Variants in ATP6V1C1 observed in about 807,000 individuals in gnomAD.
ATP6V1C1 encodes ATPase H+ transporting V1 subunit C1.
In ATP6V1C1, 45 loss-of-function variants were observed where a neutral mutation model predicts 53.9. The observed-to-expected ratio is 0.83, with a 90% CI of 0.66 to 1.07. ATP6V1C1 has a LOEUF of 1.07. ATP6V1C1 is among the 50% of genes least tolerant of loss of function. The pLI is 0.00. For synonymous variants in ATP6V1C1, 153 were observed against 155.2 expected (o/e 0.99, Z 0.11); for missense variants, 315 against 440.3 (o/e 0.72, Z 2.55).
At chr8:103,060,260 T>C (rs1302297587) in intron 8 of ATP6V1C1, among the ~76,000 whole-genome samples, 1 of 152,174 alleles carries the variant, frequency 6.6e-6, no homozygotes, top group Non-Finnish European at 1.5e-5. Flanking sequence ...TGAGCTACCA[T>C]GCTGAGCCCC....
intron 2 of ATP6V1C1, among the ~76,000 whole-genome samples, chr8:103,041,235 G>C (rs914574900): frequency 1.3e-5 from 2 of 152,128 alleles, no homozygotes; most frequent in Admixed American, 6.5e-5. Context: ...TCACAAATAT[G>C]ATTTTCAGAA....
chr8:103,061,408 G>T (rs1446732215), intron 8 of ATP6V1C1, among the ~76,000 whole-genome samples: 5 of 152,158 alleles, frequency 3.3e-5, no homozygotes, highest in Non-Finnish European at 7.4e-5. Flanking sequence ...TAAACAGGTG[G>T]TTCTTAGGCT....
chr8:103,058,682 T>C (rs188110179), intron 8 of ATP6V1C1, among the ~76,000 whole-genome samples: 105 of 152,360 alleles, frequency 6.9e-4, no homozygotes, highest in African/African-American at 2.5e-3. Flanking sequence ...TTGAGGTAGA[T>C]TGAAAAATAT....
intron 1 of ATP6V1C1, among the ~76,000 whole-genome samples, chr8:103,023,888 G>A (rs1041644163): frequency 7.4e-5 from 11 of 149,516 alleles, no homozygotes; most frequent in African/African-American, 2.7e-4. Context: ...AGTAGTCTTT[G>A]ATTCAGCATT....
intron 1 of ATP6V1C1, among the ~76,000 whole-genome samples, chr8:103,035,269 A>AT (rs35108896): frequency 0.26 from 39,444 of 151,794 alleles, 5,914 homozygotes; most frequent in Admixed American, 0.39. Context: ...AAAAAACATG[A>AT]TTTTTTTTGC....
intron 11 of ATP6V1C1, among the ~76,000 whole-genome samples, chr8:103,065,898 T>C (rs1817480531): frequency 6.6e-6 from 1 of 151,828 alleles, no homozygotes; most frequent in Non-Finnish European, 1.5e-5. Context: ...AAAAATCAGC[T>C]GGGCATGGTG....
At chr8:103,065,896 G>T (rs1391425321) in intron 11 of ATP6V1C1, among the ~76,000 whole-genome samples, 2 of 152,010 alleles carry the variant, frequency 1.3e-5, no homozygotes, top group African/African-American at 4.8e-5. Flanking sequence ...AGAAAAATCA[G>T]CTGGGCATGG....
intron 1 of ATP6V1C1, among the ~76,000 whole-genome samples, chr8:103,034,936 T>C (rs1816865761): frequency 6.6e-6 from 1 of 152,074 alleles, no homozygotes; most frequent in African/African-American, 2.4e-5. Flanking sequence ...AGTTTAAAAA[T>C]GGAAAAAACA....
At chr8:103,066,615 C>T (rs762469080) in intron 12 of ATP6V1C1, among the ~76,000 whole-genome samples, 168 bp downstream of exon 12, 5 of 152,016 alleles carry the variant, frequency 3.3e-5, no homozygotes, top group Non-Finnish European at 5.9e-5. Context: ...ATTGTTTACC[C>T]TGTTTTATAC....
At chr8:103,049,532 C>G (rs937621230) in intron 4 of ATP6V1C1, among the ~76,000 whole-genome samples, 1 of 152,156 alleles carries the variant, frequency 6.6e-6, no homozygotes, top group Non-Finnish European at 1.5e-5. Flanking sequence ...AAAGATGATT[C>G]TGACCCCATT....
intron 3 of ATP6V1C1, among the ~76,000 whole-genome samples, chr8:103,046,516 C>T (rs1282618054): frequency 1.3e-5 from 2 of 152,094 alleles, no homozygotes; most frequent in Non-Finnish European, 2.9e-5. Context: ...CTAGCCAGCT[C>T]AGATTTTTTA....
intron 10 of ATP6V1C1, 149 bp downstream of exon 10, chr8:103,063,377 T>C (rs1453964108): frequency 3.5e-6 from 2 of 578,930 alleles, no homozygotes; most frequent in East Asian, 5.8e-5. Context: ...TCAGAATGAA[T>C]TTCCTCTAAA....
In ATP6V1C1 at chr8:103,041,106, G is replaced by A. The variant is rs531152342; in HGVS notation, c.132+138G>A. 11 of 1,014,764 alleles carry A rather than the reference G, an allele frequency of 1.1e-5. No homozygotes were observed. The African/African-American group carries it at 1.7e-4, about 15-fold the overall frequency. 62.9% of individuals were successfully genotyped at this position (1,014,764 alleles called of 1,614,324 possible). ...CAGCCATTGGCATGATTTAAAATGT[G>A]TCTTCTTTGAAATTTTAGAAGTAAA... is the stretch of plus-strand genomic sequence containing the variant. On this transcript the variant is annotated intron_variant, in intron 2 of 12. Transcript: ENST00000518738.
rs1563612958 is a variant in ATP6V1C1, at chr8:103,071,837, G to GA, written c.*3092dup. The GA allele has an allele frequency of 6.6e-6, 1 of 152,320 alleles. No individual in the cohort carries two copies. Among genetic ancestry groups the GA allele is most frequent in the Admixed American group, 6.5e-5 (1 of 15,268 alleles). The allele number at this position is 152,320 out of a possible 1,614,324, so 9.4% of individuals were successfully genotyped here. On this transcript the variant is annotated 3_prime_UTR_variant, in exon 13 of 13. Transcript: ENST00000518738. ...TCACTATGTTGCCCGGGCTGGTCTC[G>GA]AACTCCTGAGCTCAAGGGATCCTCC...
At chr8:103,040,761 T>A in intron 1 of ATP6V1C1, 37 bp from the exon 2 acceptor site, 3 of 1,530,258 alleles carry the variant, frequency 2.0e-6, no homozygotes, top group Non-Finnish European at 1.8e-6. Context: ...AACAAATGAT[T>A]TTAAATGTGA....
chr8:103,065,102 A>T (rs1431466955), intron 11 of ATP6V1C1, among the ~76,000 whole-genome samples: 2 of 152,220 alleles, frequency 1.3e-5, no homozygotes, highest in East Asian at 3.8e-4. Context: ...GTTTAAAAGG[A>T]AGATCCTTCA....
At chr8:103,056,149 C>T (rs960592453) in intron 8 of ATP6V1C1, among the ~76,000 whole-genome samples, 1 of 152,136 alleles carries the variant, frequency 6.6e-6, no homozygotes, top group African/African-American at 2.4e-5. Context: ...AAGTTTGAGG[C>T]CAGTGAGGTA....
At chr8:103,054,085 G>T in intron 7 of ATP6V1C1, 103 bp downstream of exon 7, 1 of 850,984 alleles carries the variant, frequency 1.2e-6, no homozygotes, top group Non-Finnish European at 1.8e-6. Context: ...AAGCGTAAAA[G>T]GAATATAACC....
At chr8:103,043,240 A>G (rs186176034) in intron 3 of ATP6V1C1, among the ~76,000 whole-genome samples, 1 of 152,252 alleles carries the variant, frequency 6.6e-6, no homozygotes, top group Non-Finnish European at 1.5e-5. Context: ...TCATTTCTCT[A>G]CATCCTTGCC....
Sources: allele counts gnomAD v4.1 joint callset (sites outside exome capture counted in the v4.1 genomes callset), GRCh38; gene constraint gnomAD v4.1.1; transcripts MANE v1.5; gene names NCBI Gene and HGNC (gene_info 2026-07-23, HGNC 2026-07-21).